Variants in CCDC124 observed in about 807,000 individuals in gnomAD.
The protein encoded by CCDC124 is coiled-coil domain containing 124.
In CCDC124, 9 loss-of-function variants were observed where a neutral mutation model predicts 19.8. That is an observed-to-expected ratio of 0.45 (90% confidence interval 0.27 to 0.79). CCDC124 has a LOEUF of 0.79. Among genes scored for constraint, CCDC124 ranks in the 30% least tolerant of loss-of-function variants. CCDC124 has a pLI of 0.14. For synonymous variants in CCDC124, 126 were observed against 131.3 expected (o/e 0.96, Z 0.27); for missense variants, 285 against 319.0 (o/e 0.89, Z 0.81).
intron 2 of CCDC124, among the ~76,000 whole-genome samples, chr19:17,941,286 A>G (rs1171736619): frequency 1.3e-5 from 2 of 151,880 alleles, no homozygotes; most frequent in Non-Finnish European, 2.9e-5. Flanking sequence ...CAAGGCAGGC[A>G]GATCACTTGA....
At chr19:17,935,466 G>C (rs894536305) in intron 1 of CCDC124, among the ~76,000 whole-genome samples, 2 of 152,084 alleles carry the variant, frequency 1.3e-5, no homozygotes, top group South Asian at 4.1e-4. Flanking sequence ...TGTCGCCTAG[G>C]CTGGAGTGCA....
chr19:17,936,307 G>T (rs928729396), intron 1 of CCDC124, 103 bp from the exon 2 acceptor site: 49 of 940,158 alleles, frequency 5.2e-5, no homozygotes, highest in Non-Finnish European at 7.7e-5. Context: ...GAAGGCCACA[G>T]AGGCCCCAAG....
rs758202188 is a variant in CCDC124, at chr19:17,943,529, C to G, written c.486C>G (p.Asp162Glu). The change falls in exon 5 of 5, where the codon GAC becomes GAG. Residue 162 changes from aspartate (D) to glutamate (E), a missense_variant. Asp to Glu is a conservative substitution (Grantham distance 45). Transcript: ENST00000445755. ...CCAGCGTGGCGGAGGAGGCGGCCGA[C>G]CGGCACCCAGAAAGACGCATGCGGG... ...AVLSVAEEAA[D>E]RHPERRMRAA... The G allele has an allele frequency of 2.5e-6, 4 of 1,611,974 alleles. No individual in the cohort carries two copies. Among genetic ancestry groups the G allele is most frequent in the Non-Finnish European group, 3.4e-6 (4 of 1,179,764 alleles).
chr19:17,936,646 T>C (rs753082912), intron 2 of CCDC124, 67 bp downstream of exon 2: 25 of 1,541,674 alleles, frequency 1.6e-5, no homozygotes, highest in South Asian at 4.8e-5. Flanking sequence ...ATTATGTCAA[T>C]GTGGGTGAAT....
rs1364185859 is a variant in CCDC124, at chr19:17,942,728, G to A, written c.232G>A (p.Asp78Asn). 1 of 1,551,658 alleles carries A rather than the reference G, an allele frequency of 6.4e-7. No individual in the cohort carries two copies. The highest frequency in any genetic ancestry group is 8.7e-7 in the Non-Finnish European group (1 of 1,147,700). The change falls in exon 3 of 5, where the codon GAC becomes AAC. Residue 78 changes from aspartate to asparagine, a missense_variant. Transcript: ENST00000445755. The surrounding 1 kb of genome is among the most constrained non-coding windows in gnomAD (Gnocchi z 4.2). Reference sequence around the variant, plus strand: ...GACGCAGCGCCTACTGGAGGAGGAGGACTCCAAGCTCAAGGGCGGCAAGGC... The same window carrying A: ...GACGCAGCGCCTACTGGAGGAGGAGAACTCCAAGCTCAAGGGCGGCAAGGC... ...KETQRLLEEE[D>N]SKLKGGKAPR...
Position 17,942,817 on chromosome 19 carries a change from C to CCAT in CCDC124, c.324_326dup (p.His108dup), listed in dbSNP as rs1360158317. ...AGATCGAGGACACGCTGCGCCGAGA[C>CCAT]CATCAGCTCAGGGAGGCCCCGGACA... On this transcript the variant is annotated inframe_insertion, in exon 3 of 5. Transcript: ENST00000445755. This position sits in a 1 kb window ranked among gnomAD's most constrained non-coding sequence, Gnocchi z 4.2. 1 of 1,533,258 alleles carries CCAT rather than the reference C, an allele frequency of 6.5e-7. No individual in the cohort carries two copies. The highest frequency in any genetic ancestry group is 2.4e-5 in the East Asian group (1 of 40,856). The allele number at this position is 1,533,258 out of a possible 1,614,324, so 95.0% of individuals were successfully genotyped here. A position where few individuals can be genotyped will look rare whatever the true frequency, so the allele number is the denominator to read the frequency against.
At chr19:17,934,913 C>A in intron 1 of CCDC124, among the ~76,000 whole-genome samples, 1 of 94,482 alleles carries the variant, frequency 1.1e-5, no homozygotes, top group East Asian at 3.0e-4. Context: ...TCCTTGTTTC[C>A]TTTTTTTTTT....
chr19:17,943,396 G>A, intron 4 of CCDC124, 21 bp downstream of exon 4: 1 of 1,556,956 alleles, frequency 6.4e-7, no homozygotes. Flanking sequence ...GGGGCCTGGG[G>A]CTTTCCCAGG....
chr19:17,943,243 A>AGACCC lies in CCDC124; in HGVS notation c.350-18_350-17insGACCC. On this transcript the variant is annotated splice_polypyrimidine_tract_variant and intron_variant, in intron 3 of 4. Coordinates refer to ENST00000445755, the MANE Select transcript of CCDC124 (RefSeq NM_001136203.2). ...TTGCTTATCTCTCTCTGTCTCTGTC[A>AGACCC]CCCACCCACCCGCCCAGCCGAGAAA... 1 of 430,554 alleles carries AGACCC rather than the reference A, an allele frequency of 2.3e-6. No homozygotes were observed. Among genetic ancestry groups the AGACCC allele is most frequent in the Non-Finnish European group, 4.5e-6 (1 of 219,990 alleles). 26.7% of individuals were successfully genotyped at this position (430,554 alleles called of 1,614,324 possible). A position where few individuals can be genotyped will look rare whatever the true frequency, so the allele number is the denominator to read the frequency against.
Position 17,942,473 on chromosome 19 carries a change from C to T in CCDC124, c.160-183C>T, listed in dbSNP as rs12980222. On this transcript the variant is annotated intron_variant, in intron 2 of 4. Transcript: ENST00000445755. The surrounding 1 kb of genome is among the most constrained non-coding windows in gnomAD (Gnocchi z 4.2). ...CCACCCACCCGCCCTGTCCAAGGTT[C>T]CCCTGTTGGCCTCACATCCCCCGCC... Among the ~76,000 whole-genome samples the T allele has an allele frequency of 6.6e-6, 1 of 152,182 alleles. No individual in the cohort carries two copies. Among genetic ancestry groups the T allele is most frequent in the African/African-American group, 2.4e-5 (1 of 41,442 alleles).
At chr19:17,941,835 G>A (rs954577507) in intron 2 of CCDC124, among the ~76,000 whole-genome samples, 26 of 152,178 alleles carry the variant, frequency 1.7e-4, no homozygotes, top group African/African-American at 5.5e-4. Flanking sequence ...GATCGTCCCT[G>A]GGAAGGCTGA....
In CCDC124 at chr19:17,943,241, T is replaced by TCGGGGGGCCCCCCCCCCCCCCCC; in HGVS notation, c.350-19_350-18insGGGGGGCCCCCCCCCCCCCCCCC. The TCGGGGGGCCCCCCCCCCCCCCCC allele has an allele frequency of 1.4e-6, 1 of 736,678 alleles. No individual in the cohort carries two copies. The highest frequency in any genetic ancestry group is 2.4e-6 in the Non-Finnish European group (1 of 414,970). The allele number at this position is 736,678 out of a possible 1,614,324, so 45.6% of individuals were successfully genotyped here. A position where few individuals can be genotyped will look rare whatever the true frequency, so the allele number is the denominator to read the frequency against. ...CTTTGCTTATCTCTCTCTGTCTCTG[T>TCGGGGGGCCCCCCCCCCCCCCCC]CACCCACCCACCCGCCCAGCCGAGA... is the stretch of plus-strand genomic sequence containing the variant. On this transcript the variant is annotated intron_variant, in intron 3 of 4. Coordinates refer to ENST00000445755, the MANE Select transcript of CCDC124 (RefSeq NM_001136203.2).
At position 17,943,897 on chromosome 19, in the gene CCDC124, AC is replaced by A. The variant is rs2031251357; in HGVS notation, c.*186del. ...CCAGAGGGTCCCTGCCCCGAGTGAC[AC>A]CCCATCCCCTCCCATCCCCCGGCGC... On this transcript the variant is annotated 3_prime_UTR_variant, in exon 5 of 5. Transcript: ENST00000445755. 2 of 620,518 alleles carry A rather than the reference AC, an allele frequency of 3.2e-6. No homozygotes were observed. The highest frequency in any genetic ancestry group is 3.7e-5 in the African/African-American group (2 of 54,114). The allele number at this position is 620,518 out of a possible 1,614,324, so 38.4% of individuals were successfully genotyped here.
chr19:17,942,804 C>A lies in CCDC124; in HGVS notation c.308C>A (p.Thr103Lys). The change falls in exon 3 of 5, where the codon ACG becomes AAG. Residue 103 changes from threonine to lysine, a missense_variant. Coordinates refer to ENST00000445755, the MANE Select transcript of CCDC124 (RefSeq NM_001136203.2). This position sits in a 1 kb window ranked among gnomAD's most constrained non-coding sequence, Gnocchi z 4.2. ...SKVTRAQIED[T>K]LRRDHQLREA... ...GTCACCCGGGCCCAGATCGAGGACACGCTGCGCCGAGACCATCAGCTCAGG... is the reference window on the plus strand; with the variant it reads ...GTCACCCGGGCCCAGATCGAGGACAAGCTGCGCCGAGACCATCAGCTCAGG... 1 of 1,539,590 alleles carries A rather than the reference C, an allele frequency of 6.5e-7. No individual in the cohort carries two copies. The highest frequency in any genetic ancestry group is 8.7e-7 in the Non-Finnish European group (1 of 1,142,924).
chr19:17,936,023 G>A (rs1190233564), intron 1 of CCDC124, among the ~76,000 whole-genome samples: 1 of 152,200 alleles, frequency 6.6e-6, no homozygotes, highest in South Asian at 2.1e-4. Context: ...TCCTGCCTCA[G>A]CCTCCTGACT....
At position 17,943,367 on chromosome 19, in the gene CCDC124, A is replaced by G. The variant is rs1250255394; in HGVS notation, c.456A>G (p.Ala152=). 1.3e-6 allele frequency: 2 copies of G among 1,528,616 alleles called. No homozygotes were observed. Among genetic ancestry groups the G allele is most frequent in the Non-Finnish European group, 1.8e-6 (2 of 1,137,728 alleles). 94.7% of individuals were successfully genotyped at this position (1,528,616 alleles called of 1,614,324 possible). A position where few individuals can be genotyped will look rare whatever the true frequency, so the allele number is the denominator to read the frequency against. Residue 152 remains alanine (A), a synonymous_variant, in exon 4 of 5, where the codon GCA becomes GCG. Transcript: ENST00000445755. Reference sequence around the variant, plus strand: ...CGCGCACCATCGAGGACGCCATTGCAGTGCTCAGGTAACGGGGCGGGGCCT... The same window carrying G: ...CGCGCACCATCGAGGACGCCATTGCGGTGCTCAGGTAACGGGGCGGGGCCT... ...VEARTIEDAI[A]VLSVAEEAAD...
rs1258511975 is a variant in CCDC124 at position 17,942,269 on chromosome 19, C to T, written c.160-387C>T. The stretch of plus-strand genomic sequence containing the variant: ...CCGCATGGCCCAGCCGTCTCCCTCC[C>T]GGCCTCTTCCCCCTCCCGCTTCACT... On this transcript the variant is annotated intron_variant, in intron 2 of 4. Coordinates refer to ENST00000445755, the MANE Select transcript of CCDC124 (RefSeq NM_001136203.2). The surrounding 1 kb of genome is among the most constrained non-coding windows in gnomAD (Gnocchi z 4.2). Among the ~76,000 whole-genome samples the T allele has an allele frequency of 2.0e-5, 3 of 152,076 alleles. No homozygotes were observed. The highest frequency in any genetic ancestry group is 2.9e-5 in the Non-Finnish European group (2 of 67,996).
intron 2 of CCDC124, among the ~76,000 whole-genome samples, chr19:17,938,024 T>C (rs2031101039): frequency 6.6e-6 from 1 of 152,166 alleles, no homozygotes; most frequent in Non-Finnish European, 1.5e-5. Context: ...TGAGCCAATG[T>C]GCCCGGCCCA....
chr19:17,940,822 C>T (rs1302412227), intron 2 of CCDC124, among the ~76,000 whole-genome samples: 1 of 148,278 alleles, frequency 6.7e-6, no homozygotes, highest in Non-Finnish European at 1.5e-5. Flanking sequence ...CCGAGGTGGG[C>T]AGATCACAAG....
Sources: allele counts gnomAD v4.1 joint callset (sites outside exome capture counted in the v4.1 genomes callset), GRCh38; gene constraint gnomAD v4.1.1; non-coding constraint Gnocchi (gnomAD v3.1); transcripts MANE v1.5; gene names NCBI Gene and HGNC (gene_info 2026-07-23, HGNC 2026-07-21).